Variants in TMEM178A observed in about 807,000 individuals in gnomAD.
The protein encoded by TMEM178A is transmembrane protein 178.
Under a neutral mutation model 29.1 loss-of-function variants are expected in TMEM178A, and 12 were observed. That is an observed-to-expected ratio of 0.41 (90% CI 0.26 to 0.67). TMEM178A has a LOEUF of 0.67. Among genes scored for constraint, TMEM178A ranks in the 30% least tolerant of loss-of-function variants. TMEM178A has a pLI of 0.29. For synonymous variants in TMEM178A, 210 were observed against 187.2 expected (o/e 1.12, Z -0.99); for missense variants, 366 against 419.1 (o/e 0.87, Z 1.11).
the TMEM178A span, among the ~76,000 whole-genome samples, chr2:39,723,217 A>G: frequency 6.6e-6 from 1 of 152,212 alleles, no homozygotes; most frequent in Admixed American, 6.5e-5. Context: ...AACTTCACTC[A>G]GCTGTGGCTT....
chr2:39,675,058 T>C (rs115546937), intron 1 of TMEM178A, among the ~76,000 whole-genome samples: 1 of 152,334 alleles, frequency 6.6e-6, no homozygotes, highest in African/African-American at 2.4e-5. Flanking sequence ...CATTTCTCTC[T>C]CAAACCATAT....
chr2:39,705,859 G>C (rs1356761080), intron 2 of TMEM178A, among the ~76,000 whole-genome samples: 1 of 152,202 alleles, frequency 6.6e-6, no homozygotes, highest in East Asian at 1.9e-4. Context: ...CACAGGTGTG[G>C]ATGATCCACG....
In TMEM178A at chr2:39,708,168, A is replaced by G. The variant is rs531661705; in HGVS notation, c.652+982A>G. 1.2e-4 allele frequency among the ~76,000 whole-genome samples: 18 copies of G among 152,300 alleles called. No homozygotes were observed. In the South Asian group the frequency reaches 3.7e-3, roughly 32 times the overall value. ...TTGCTGAGGTGGCGATTTCGCAGCTAATTCGTGAGAAGCAGCCGGTGGTAG... is the reference window on the plus strand; with the variant it reads ...TTGCTGAGGTGGCGATTTCGCAGCTGATTCGTGAGAAGCAGCCGGTGGTAG... On this transcript the variant is annotated intron_variant, in intron 3 of 3. Coordinates refer to ENST00000281961, the MANE Select transcript of TMEM178A (RefSeq NM_152390.3).
At chr2:39,731,445 A>G in the TMEM178A span, among the ~76,000 whole-genome samples, 1 of 152,248 alleles carries the variant, frequency 6.6e-6, no homozygotes, top group Non-Finnish European at 1.5e-5. Flanking sequence ...AATATGGCAG[A>G]GAAGCAGAAA....
At chr2:39,720,365 T>C (rs180970150), downstream of TMEM178A, among the ~76,000 whole-genome samples, 32 of 152,232 alleles carry the variant, frequency 2.1e-4, no homozygotes, top group East Asian at 2.9e-3. Context: ...GAGCTCAAAA[T>C]ATACCACCTG....
chr2:39,680,088 T>G (rs1311371060), intron 1 of TMEM178A, among the ~76,000 whole-genome samples: 1 of 151,978 alleles, frequency 6.6e-6, no homozygotes. Flanking sequence ...GACTGGAGAT[T>G]TGGGGCATGT....
At chr2:39,720,444 C>A (rs1223018573), downstream of TMEM178A, among the ~76,000 whole-genome samples, 1 of 152,222 alleles carries the variant, frequency 6.6e-6, no homozygotes, top group Non-Finnish European at 1.5e-5. Flanking sequence ...TTTGCTCAGG[C>A]TCTTTCCTCT....
rs767120428 is a variant in TMEM178A, at chr2:39,717,208, C to T, written c.851C>T (p.Thr284Ile). 6.2e-7 allele frequency: 1 copy of T among 1,613,346 alleles called. No individual in the cohort carries two copies. The highest frequency in any genetic ancestry group is 8.5e-7 in the Non-Finnish European group (1 of 1,179,982). ...LCIAYPFISR[T>I]KIAQLKSGRD... ...ATCGCTTATCCGTTTATTAGCCGGACCAAGATTGCACAGCTAAAGTCTGGC... is the reference window on the plus strand; with the variant it reads ...ATCGCTTATCCGTTTATTAGCCGGATCAAGATTGCACAGCTAAAGTCTGGC... The change falls in exon 4 of 4, where the codon ACC (threonine) becomes ATC (isoleucine). Residue 284 changes from threonine to isoleucine, a missense_variant. Thr to Ile is a moderately conservative substitution (Grantham distance 89). Around this residue, in one of 2 missense-constraint regions of TMEM178A, gnomAD observed 119 missense variants for 172.2 expected, o/e 0.69. Transcript: ENST00000281961.
downstream of TMEM178A, among the ~76,000 whole-genome samples, chr2:39,719,041 A>C (rs1339363908): frequency 6.6e-6 from 1 of 152,170 alleles, no homozygotes; most frequent in African/African-American, 2.4e-5. Context: ...TAAGGGCCGA[A>C]AGGGGTTGGA....
intron 1 of TMEM178A, among the ~76,000 whole-genome samples, chr2:39,697,017 C>T (rs908221985): frequency 6.6e-6 from 1 of 152,156 alleles, no homozygotes; most frequent in African/African-American, 2.4e-5. Flanking sequence ...TCATTGCTCT[C>T]TAAACCCAGA....
the TMEM178A span, among the ~76,000 whole-genome samples, chr2:39,732,761 G>A: frequency 1.3e-5 from 2 of 152,148 alleles, no homozygotes. Context: ...GTCTCTAAGG[G>A]CATTAGGGAG....
At chr2:39,709,609 C>T (rs988758369) in intron 3 of TMEM178A, among the ~76,000 whole-genome samples, 1 of 152,176 alleles carries the variant, frequency 6.6e-6, no homozygotes, top group African/African-American at 2.4e-5. Context: ...ACAGAGGATT[C>T]CTTTACACCT....
downstream of TMEM178A, among the ~76,000 whole-genome samples, chr2:39,720,527 C>T (rs1453208111): frequency 3.3e-5 from 5 of 152,186 alleles, no homozygotes; most frequent in East Asian, 1.9e-4. Flanking sequence ...ACAACACTCC[C>T]GGACACCTTC....
rs1349799611 is a variant in TMEM178A, at chr2:39,717,920, T to C, written c.*669T>C. 6.5e-6 allele frequency: 1 copy of C among 152,676 alleles called. No homozygotes were observed. Among genetic ancestry groups the C allele is most frequent in the Non-Finnish European group, 1.5e-5 (1 of 68,054 alleles). The allele number at this position is 152,676 out of a possible 1,614,324, so 9.5% of individuals were successfully genotyped here. A position where few individuals can be genotyped will look rare whatever the true frequency, so the allele number is the denominator to read the frequency against. ...ACCTGTTGTTCAACCTCTGTCTCTT[T>C]ATGTTAACTGGATTTCTGCATTAAA... On this transcript the variant is annotated 3_prime_UTR_variant, in exon 4 of 4. Transcript: ENST00000281961.
At chr2:39,691,615 C>A (rs1172834268) in intron 1 of TMEM178A, among the ~76,000 whole-genome samples, 1 of 152,046 alleles carries the variant, frequency 6.6e-6, no homozygotes, top group Non-Finnish European at 1.5e-5. Context: ...TACCATATGA[C>A]CTGGCAATCC....
intron 1 of TMEM178A, among the ~76,000 whole-genome samples, chr2:39,668,907 C>A (rs2148050633): frequency 6.6e-6 from 1 of 152,108 alleles, no homozygotes; most frequent in Non-Finnish European, 1.5e-5. Context: ...ATTTTGGCAC[C>A]CATATTAGGC....
In TMEM178A at chr2:39,704,309, G is replaced by T. The variant is rs1045463652; in HGVS notation, c.514+115G>T. ...TTGTTCTTATCCTCTGTGAGCCTCT[G>T]GGCCCAATCAGATGTGGTCAGAGAC... On this transcript the variant is annotated intron_variant, in intron 2 of 3. Coordinates refer to ENST00000281961, the MANE Select transcript of TMEM178A (RefSeq NM_152390.3). The T allele has an allele frequency of 4.9e-6, 4 of 824,030 alleles. No homozygotes were observed. In the Admixed American group the frequency reaches 7.2e-5, roughly 15 times the overall value. 51.0% of individuals were successfully genotyped at this position (824,030 alleles called of 1,614,324 possible). A position where few individuals can be genotyped will look rare whatever the true frequency, so the allele number is the denominator to read the frequency against.
rs575448944 is a variant in TMEM178A, at chr2:39,704,722, T to C, written c.514+528T>C. On this transcript the variant is annotated intron_variant, in intron 2 of 3. Coordinates refer to ENST00000281961, the MANE Select transcript of TMEM178A (RefSeq NM_152390.3). ...AAATGTGAAACTCTAGAAAGCATCA[T>C]GCAGTGTGAAACTAAAGAGGGCTGA... Among the ~76,000 whole-genome samples, 3 of 152,332 alleles carry C rather than the reference T, an allele frequency of 2.0e-5. No individual in the cohort carries two copies. In the East Asian group the frequency reaches 5.8e-4, roughly 29 times the overall value.
chr2:39,675,566 G>T (rs755740292), intron 1 of TMEM178A, among the ~76,000 whole-genome samples: 2 of 152,138 alleles, frequency 1.3e-5, no homozygotes, highest in Non-Finnish European at 2.9e-5. Flanking sequence ...AGGGGAAAGT[G>T]AGTGCTGCTT....
Sources: gnomAD v4.1 joint callset for allele counts (sites outside exome capture counted in the v4.1 genomes callset) on GRCh38, gnomAD v4.1.1 for gene constraint, gnomAD v4.1.1 regional missense constraint, MANE v1.5 for transcripts, NCBI Gene and HGNC (gene_info 2026-07-23, HGNC 2026-07-21) for gene names.